Variants in CCDC102B observed in about 807,000 individuals in gnomAD.
CCDC102B encodes the protein coiled-coil domain-containing protein 102B.
A neutral mutation model predicts 57.4 loss-of-function variants in CCDC102B; 75 were observed. That is an observed-to-expected ratio of 1.31 (90% CI 1.08 to 1.58). The LOEUF (loss-of-function observed/expected upper bound fraction) is 1.58. Ranked by LOEUF, CCDC102B falls within the 40% of genes most tolerant of loss-of-function variation. CCDC102B has a pLI of 0.00. For synonymous variants in CCDC102B, 206 were observed against 201.9 expected, an observed-to-expected ratio of 1.02 and a Z score of -0.17; for missense variants, 636 against 582.6, an observed-to-expected ratio of 1.09 and a Z score of -0.94.
At chr18:69,019,925 TG>T (rs1182123279) in intron 7 of CCDC102B, among the ~76,000 whole-genome samples, 3 of 152,122 alleles carry the variant, frequency 2.0e-5, no homozygotes, top group Non-Finnish European at 4.4e-5. Flanking sequence ...CATAAACAGG[TG>T]TTGAACTTCG....
intron 1 of CCDC102B, among the ~76,000 whole-genome samples, chr18:68,820,116 AGGAGG>A (rs1192319039): frequency 1.3e-5 from 2 of 152,124 alleles, no homozygotes; most frequent in Non-Finnish European, 2.9e-5. Flanking sequence ...TAGTGGCATT[AGGAGG>A]CACATCCTTT....
chr18:68,940,300 G>A (rs976199002), intron 6 of CCDC102B, among the ~76,000 whole-genome samples: 11 of 151,778 alleles, frequency 7.2e-5, no homozygotes, highest in African/African-American at 2.7e-4. Flanking sequence ...GTATCTCTTA[G>A]AAATGTGTAT....
chr18:69,005,110 G>A (rs898813075), intron 6 of CCDC102B, among the ~76,000 whole-genome samples: 1 of 152,158 alleles, frequency 6.6e-6, no homozygotes. Context: ...AAATTATAAT[G>A]TGTTTAACTT....
intron 6 of CCDC102B, among the ~76,000 whole-genome samples, chr18:68,926,661 A>T (rs543666244): frequency 1.3e-5 from 2 of 152,050 alleles, no homozygotes; most frequent in Non-Finnish European, 2.9e-5. Context: ...CACTATTGCC[A>T]TTATATCCAC....
intron 6 of CCDC102B, chr18:68,900,272 C>G (rs925406670): frequency 2.0e-5 from 3 of 152,032 alleles, no homozygotes; most frequent in Admixed American, 1.3e-4. Flanking sequence ...TGTTTAAGAC[C>G]TAGATTTGTA....
chr18:68,740,450 C>A (rs935665323), intron 2 of CCDC102B, among the ~76,000 whole-genome samples: 7 of 152,112 alleles, frequency 4.6e-5, no homozygotes, highest in Non-Finnish European at 7.4e-5. Context: ...GAAACATTTG[C>A]AAGTCAAAGA....
At chr18:68,949,102 T>G (rs1186982534) in intron 6 of CCDC102B, among the ~76,000 whole-genome samples, 4 of 152,098 alleles carry the variant, frequency 2.6e-5, no homozygotes, top group Non-Finnish European at 4.4e-5. Flanking sequence ...TTCTGTTTGC[T>G]TTTTATTCTA....
Position 69,054,252 on chromosome 18 carries a change from G to T in CCDC102B, c.*115G>T, listed in dbSNP as rs1300728597. 1 of 1,366,118 alleles carries T rather than the reference G, an allele frequency of 7.3e-7. No homozygotes were observed. Among genetic ancestry groups the T allele is most frequent in the African/African-American group, 1.5e-5 (1 of 66,400 alleles). 84.6% of individuals were successfully genotyped at this position (1,366,118 alleles called of 1,614,324 possible). A position where few individuals can be genotyped will look rare whatever the true frequency, so the allele number is the denominator to read the frequency against. On this transcript the variant is annotated 3_prime_UTR_variant, in exon 8 of 8. Coordinates refer to ENST00000360242, the MANE Select transcript of CCDC102B (RefSeq NM_024781.3). ...AACTAGAAATATTAATGAAAAAAAC[G>T]TAGACAATACACAAATTAATGGGCT...
chr18:68,835,740 A>G (rs895741530), intron 1 of CCDC102B, among the ~76,000 whole-genome samples: 3 of 152,174 alleles, frequency 2.0e-5, no homozygotes, highest in Non-Finnish European at 4.4e-5. Flanking sequence ...TTCATGATTC[A>G]CCATTTTGAA....
intron 1 of CCDC102B, among the ~76,000 whole-genome samples, chr18:68,815,677 T>TACATACACAC (rs139160920): frequency 6.7e-6 from 1 of 149,178 alleles, no homozygotes; most frequent in African/African-American, 2.5e-5. Flanking sequence ...TCCATTTACA[T>TACATACACAC]ACACACACAC....
downstream of CCDC102B, among the ~76,000 whole-genome samples, chr18:69,056,293 T>A (rs1044656768): frequency 1.3e-5 from 2 of 152,082 alleles, no homozygotes; most frequent in African/African-American, 4.8e-5. Context: ...TTCAGGTGTA[T>A]CTTGGTGTGC....
At chr18:68,982,245 A>C (rs1016407276) in intron 6 of CCDC102B, among the ~76,000 whole-genome samples, 1 of 151,948 alleles carries the variant, frequency 6.6e-6, no homozygotes, top group South Asian at 2.1e-4. Flanking sequence ...GTGTAAAAAA[A>C]ACAATGAAGT....
chr18:69,022,727 G>A lies in CCDC102B; in HGVS notation c.1434+11623G>A, dbSNP rs114250294. Among the ~76,000 whole-genome samples, 786 of 152,038 alleles carry A rather than the reference G, an allele frequency of 5.2e-3. 8 individuals are homozygous for A. The highest frequency in any genetic ancestry group is 0.018 in the African/African-American group (755 of 41,466). On this transcript the variant is annotated intron_variant, in intron 7 of 7. Transcript: ENST00000360242. ...TTCTGTCTAAGTGCAGCCATTTAAA[G>A]GCAGTTTTTGTGTATCTATTTGTAC...
At chr18:68,818,976 C>G (rs977410) in intron 1 of CCDC102B, among the ~76,000 whole-genome samples, 65,596 of 151,866 alleles carry the variant, frequency 0.43, 15,459 homozygotes, top group East Asian at 0.86. Context: ...ATGTGGTTAA[C>G]TTTTTCTTGT....
intron 6 of CCDC102B, among the ~76,000 whole-genome samples, chr18:68,980,917 T>C (rs1373854921): frequency 6.6e-6 from 1 of 151,884 alleles, no homozygotes; most frequent in African/African-American, 2.4e-5. Flanking sequence ...GGATTGATGT[T>C]TTAGGAGGAA....
chr18:68,721,162 A>G (rs536567363), intron 2 of CCDC102B: 1 of 152,362 alleles, frequency 6.6e-6, no homozygotes, highest in South Asian at 2.1e-4. Flanking sequence ...TAATAGCAAC[A>G]ATAATTACTA....
chr18:68,735,000 T>C (rs2033061770), intron 2 of CCDC102B, among the ~76,000 whole-genome samples: 1 of 152,188 alleles, frequency 6.6e-6, no homozygotes, highest in African/African-American at 2.4e-5. Flanking sequence ...GGGAGAAGAA[T>C]TTCTGAAACT....
At chr18:68,746,918 A>G (rs1318759113) in intron 2 of CCDC102B, among the ~76,000 whole-genome samples, 1 of 152,022 alleles carries the variant, frequency 6.6e-6, no homozygotes, top group Non-Finnish European at 1.5e-5. Flanking sequence ...AACATGTAAC[A>G]TAAGATCTAT....
Position 69,054,718 on chromosome 18 carries a change from T to C in CCDC102B, c.*581T>C. On this transcript the variant is annotated 3_prime_UTR_variant, in exon 8 of 8. Coordinates refer to ENST00000360242, the MANE Select transcript of CCDC102B (RefSeq NM_024781.3). Reference sequence around the variant, plus strand: ...GAAAAAAGTGTTTTGTATTTTAAAGTAACAGATAACCAGTGATTGAATCTA... The same window carrying C: ...GAAAAAAGTGTTTTGTATTTTAAAGCAACAGATAACCAGTGATTGAATCTA... 1 of 984,968 alleles carries C rather than the reference T, an allele frequency of 1.0e-6. No individual in the cohort carries two copies. Among genetic ancestry groups the C allele is most frequent in the Non-Finnish European group, 1.2e-6 (1 of 829,578 alleles). 61.0% of individuals were successfully genotyped at this position (984,968 alleles called of 1,614,324 possible).
Sources: allele counts gnomAD v4.1 joint callset (sites outside exome capture counted in the v4.1 genomes callset), GRCh38; gene constraint gnomAD v4.1.1; transcripts MANE v1.5; gene names NCBI Gene and HGNC (gene_info 2026-07-23, HGNC 2026-07-21).